The following ALK variants were observed in gnomAD, a reference collection of about 807,000 sequenced individuals.
The protein encoded by ALK is ALK tyrosine kinase receptor.
Under a neutral mutation model 163.1 loss-of-function variants are expected in ALK, and 74 were observed. The ratio of observed to expected loss-of-function variants is 0.45; its 90% CI spans 0.38 to 0.55. The LOEUF (loss-of-function observed/expected upper bound fraction) is 0.55, where lower values mean the gene tolerates loss of function less well. ALK is among the 20% of genes least tolerant of loss of function. The pLI is 0.00. For missense variants in ALK, 2,063 were observed against 2,105.3 expected, an observed-to-expected ratio of 0.98 and a Z score of 0.39; for synonymous variants, 960 against 843.2, an observed-to-expected ratio of 1.14 and a Z score of -2.40.
chr2:29,883,432 C>T (rs1030886537), intron 1 of ALK, among the ~76,000 whole-genome samples: 1 of 152,224 alleles, frequency 6.6e-6, no homozygotes, highest in Non-Finnish European at 1.5e-5. Flanking sequence ...CCTTCCCAGA[C>T]TCTCCATCCT....
chr2:29,243,725 G>A (rs896504842), intron 12 of ALK, among the ~76,000 whole-genome samples: 1 of 152,206 alleles, frequency 6.6e-6, no homozygotes, highest in African/African-American at 2.4e-5. Context: ...TATGATAATA[G>A]CCTCAGCCTG....
At chr2:29,369,308 T>TTGTGTGTGTGTGTGTG (rs3054016) in intron 5 of ALK, among the ~76,000 whole-genome samples, 16 of 145,374 alleles carry the variant, frequency 1.1e-4, no homozygotes, top group African/African-American at 4.0e-4. Context: ...ACGTGCATAT[T>TTGTGTGTGTGTGTGTG]TGTGTGTGTG....
intron 4 of ALK, among the ~76,000 whole-genome samples, chr2:29,460,225 A>G (rs555383874): frequency 1.3e-4 from 20 of 152,300 alleles, no homozygotes; most frequent in African/African-American, 4.3e-4. Context: ...CAATTTAAAG[A>G]AAGAGTTTTG....
chr2:29,267,214 C>T (rs1469762882), intron 11 of ALK, among the ~76,000 whole-genome samples: 2 of 152,028 alleles, frequency 1.3e-5, no homozygotes, highest in Admixed American at 1.3e-4. Flanking sequence ...GTCCAGTAAC[C>T]CTCCAAGAAC....
At chr2:29,426,918 G>A (rs1472869727) in intron 4 of ALK, among the ~76,000 whole-genome samples, 9 of 151,164 alleles carry the variant, frequency 6.0e-5, no homozygotes, top group African/African-American at 2.2e-4. Context: ...TGCGCCTGTA[G>A]TCCCAGCTAC....
At chr2:29,448,358 T>G (rs1453918230) in intron 4 of ALK, among the ~76,000 whole-genome samples, 9 of 152,294 alleles carry the variant, frequency 5.9e-5, no homozygotes, top group Non-Finnish European at 1.3e-4. Context: ...CATTTGCAAT[T>G]CTCTTCTCTT....
intron 1 of ALK, among the ~76,000 whole-genome samples, chr2:29,876,717 ATGG>A (rs1344882574): frequency 3.6e-5 from 5 of 140,022 alleles, no homozygotes; most frequent in Non-Finnish European, 6.2e-5. Context: ...GATGGTGGTG[ATGG>A]TGATGATGAT....
At chr2:29,771,680 G>C (rs575223218) in intron 1 of ALK, among the ~76,000 whole-genome samples, 1 of 152,028 alleles carries the variant, frequency 6.6e-6, no homozygotes, top group African/African-American at 2.4e-5. Flanking sequence ...GACTACAGGC[G>C]CCTGCCACCA....
intron 2 of ALK, among the ~76,000 whole-genome samples, chr2:29,716,433 G>T (rs796796299): frequency 1.2e-4 from 19 of 152,304 alleles, no homozygotes; most frequent in African/African-American, 4.6e-4. Flanking sequence ...GAATTAAAAT[G>T]TTCATTTGAA....
At chr2:29,284,874 C>G (rs1031302202) in intron 9 of ALK, among the ~76,000 whole-genome samples, 15 of 152,214 alleles carry the variant, frequency 9.9e-5, no homozygotes, top group Non-Finnish European at 2.1e-4. Flanking sequence ...TTCTCCTCTT[C>G]TTGAACGGCT....
intron 3 of ALK, among the ~76,000 whole-genome samples, chr2:29,550,094 G>C (rs573898531): frequency 9.9e-5 from 15 of 152,264 alleles, no homozygotes; most frequent in Admixed American, 3.3e-4. Context: ...TTTAACAACA[G>C]CAAGTAAACT....
At position 29,768,739 on chromosome 2, in the gene ALK, G is replaced by GTATA. The variant is rs747647194; in HGVS notation, c.668-51043_668-51042insTATA. The stretch of plus-strand genomic sequence containing the variant: ...TGTGTGTGTGTGTGTGTGTGTGTGT[G>GTATA]TGTGTATATATGTATATGTGCCTAT... On this transcript the variant is annotated intron_variant, in intron 1 of 28. Coordinates refer to ENST00000389048, the MANE Select transcript of ALK (RefSeq NM_004304.5). Among the ~76,000 whole-genome samples the GTATA allele has an allele frequency of 8.6e-3, 1,097 of 128,288 alleles. 13 individuals are homozygous for GTATA. Among genetic ancestry groups the GTATA allele is most frequent in the South Asian group, 0.05 (216 of 4,284 alleles). 84.2% of individuals were successfully genotyped at this position (128,288 alleles called of 152,430 possible). A position where few individuals can be genotyped will look rare whatever the true frequency, so the allele number is the denominator to read the frequency against.
At chr2:29,623,970 G>A (rs1254965235) in intron 3 of ALK, among the ~76,000 whole-genome samples, 1 of 152,176 alleles carries the variant, frequency 6.6e-6, no homozygotes, top group African/African-American at 2.4e-5. Context: ...TAAGTTACCT[G>A]ATGCATACAC....
intron 1 of ALK, among the ~76,000 whole-genome samples, chr2:29,828,765 C>CAGGGATCT (rs1336367958): frequency 2.0e-5 from 3 of 151,784 alleles, no homozygotes. Context: ...GGCGATTCCT[C>CAGGGATCT]AGGGATCTAG....
chr2:29,228,433 G>A (rs147419940), intron 16 of ALK, among the ~76,000 whole-genome samples: 15 of 152,264 alleles, frequency 9.9e-5, no homozygotes, highest in Non-Finnish European at 2.1e-4. Flanking sequence ...AGTTGCCCTC[G>A]GGAATAGCTC....
intron 1 of ALK, among the ~76,000 whole-genome samples, chr2:29,897,141 G>T (rs1420201170): frequency 6.6e-6 from 1 of 152,112 alleles, no homozygotes; most frequent in Non-Finnish European, 1.5e-5. Context: ...CCAACATGGT[G>T]AAACCCCGTC....
At chr2:29,268,653 C>A (rs561612270) in intron 11 of ALK, among the ~76,000 whole-genome samples, 1 of 152,124 alleles carries the variant, frequency 6.6e-6, no homozygotes, top group Non-Finnish European at 1.5e-5. Flanking sequence ...TTGAATCTCC[C>A]GAGTGGAAAG....
intron 1 of ALK, among the ~76,000 whole-genome samples, chr2:29,799,581 A>G (rs1218006957): frequency 6.6e-6 from 1 of 152,174 alleles, no homozygotes; most frequent in Non-Finnish European, 1.5e-5. Flanking sequence ...GCTACTCAAG[A>G]GATTAAAGTG....
chr2:29,840,214 T>C (rs1192432077), intron 1 of ALK, among the ~76,000 whole-genome samples: 1 of 152,230 alleles, frequency 6.6e-6, no homozygotes, highest in Non-Finnish European at 1.5e-5. Flanking sequence ...GTATTCAGTG[T>C]GCCTTGAGGG....
Sources: gnomAD v4.1 joint callset for allele counts (sites outside exome capture counted in the v4.1 genomes callset) on GRCh38, gnomAD v4.1.1 for gene constraint, MANE v1.5 for transcripts, NCBI Gene and HGNC (gene_info 2026-07-23, HGNC 2026-07-21) for gene names.